Variants in EDIL3 observed in about 807,000 individuals in gnomAD.
EDIL3 encodes the protein EGF like and discoidin domains 3, also known as EGF-like repeat and discoidin I-like domain-containing protein 3.
A neutral mutation model predicts 67.4 loss-of-function variants in EDIL3; 37 were observed. The ratio of observed to expected loss-of-function variants is 0.55; its 90% CI spans 0.42 to 0.72. The LOEUF (loss-of-function observed/expected upper bound fraction) is 0.72. Among genes scored for constraint, EDIL3 ranks in the 30% least tolerant of loss-of-function variants. The pLI, the probability that EDIL3 is intolerant of heterozygous loss-of-function variation, is 0.00. For synonymous variants in EDIL3, 195 were observed against 196.3 expected, an observed-to-expected ratio of 0.99 and a Z score of 0.05; for missense variants, 527 against 586.3, an observed-to-expected ratio of 0.90 and a Z score of 1.04.
chr5:84,012,568 C>T (rs901975298), intron 9 of EDIL3, among the ~76,000 whole-genome samples: 9 of 152,070 alleles, frequency 5.9e-5, no homozygotes, highest in African/African-American at 2.2e-4. Flanking sequence ...GGTCCAGTAG[C>T]ATTTGGAAAA....
chr5:84,027,187 T>C (rs934895283), intron 9 of EDIL3, among the ~76,000 whole-genome samples: 4 of 152,230 alleles, frequency 2.6e-5, no homozygotes, highest in East Asian at 1.9e-4. Context: ...AGCTATGTTA[T>C]ATACAATATA....
chr5:84,035,208 A>G (rs1227818343), intron 9 of EDIL3, among the ~76,000 whole-genome samples: 1 of 152,092 alleles, frequency 6.6e-6, no homozygotes, highest in East Asian at 1.9e-4. Context: ...ACTTGATGCA[A>G]CTTTAGCGGT....
At chr5:84,181,029 A>C (rs980239901) in intron 3 of EDIL3, 1 of 152,190 alleles carries the variant, frequency 6.6e-6, no homozygotes, top group Non-Finnish European at 1.5e-5. Context: ...GGCTGTAACC[A>C]CATAAACCAA....
rs377140824 is a variant in EDIL3, at chr5:83,963,253, A to G, written c.1245T>C (p.Asp415=). ...VGSYKLAYSN[D]GEHWTVYQDE... Reference sequence around the variant, plus strand: ...CCTGGTATACAGTCCAGTGTTCTCCATCATTGCTGTAAGCCAGTTTGTAGG... The same window carrying G: ...CCTGGTATACAGTCCAGTGTTCTCCGTCATTGCTGTAAGCCAGTTTGTAGG... Residue 415 remains aspartate, a synonymous_variant, in exon 10 of 11, where the codon GAT becomes GAC. Transcript: ENST00000296591. 2.3e-4 allele frequency: 366 copies of G among 1,610,506 alleles called. 4 individuals are homozygous for G. The South Asian group carries it at 3.8e-3, about 17-fold the overall frequency.
At chr5:84,144,899 G>A (rs1251201152) in intron 4 of EDIL3, among the ~76,000 whole-genome samples, 3 of 152,054 alleles carry the variant, frequency 2.0e-5, no homozygotes, top group African/African-American at 7.2e-5. Context: ...TGAGTTATCA[G>A]AAACCCCAAA....
In EDIL3 at chr5:84,180,445, T is replaced by C; in HGVS notation, c.303A>G (p.Ile101Met). The C allele has an allele frequency of 2.5e-6, 4 of 1,610,142 alleles. No individual in the cohort carries two copies. The highest frequency in any genetic ancestry group is 3.4e-6 in the Non-Finnish European group (4 of 1,178,162). The change falls in exon 4 of 11, where the codon ATA becomes ATG. Residue 101 changes from isoleucine (I) to methionine (M), a missense_variant. Around this residue, in one of 2 missense-constraint regions of EDIL3, gnomAD observed 494 missense variants for 522.5 expected, o/e 0.95. Coordinates refer to ENST00000296591, the MANE Select transcript of EDIL3 (RefSeq NM_005711.5). ...ISEAYRGDTF[I>M]GYVCKCPRGF... is the part of the protein sequence containing the mutation. ...CTCGGGGACATTTACAAACATAGCC[T>C]ATGAATGTATCCCCTCGGTATGCTT...
At chr5:84,060,536 C>T (rs1457278685) in intron 8 of EDIL3, 52 bp from the exon 9 acceptor site, 2 of 1,594,594 alleles carry the variant, frequency 1.3e-6, no homozygotes. Context: ...TCACCTGGAA[C>T]TTTTCTGCAT....
chr5:84,037,988 G>GTTTTTTTTTT lies in EDIL3; in HGVS notation c.1137+22302_1137+22311dup, dbSNP rs67762520. On this transcript the variant is annotated intron_variant, in intron 9 of 10. Coordinates refer to ENST00000296591, the MANE Select transcript of EDIL3 (RefSeq NM_005711.5). ...TTCTCTTTTCTTTTCTTTCTTTCTT[G>GTTTTTTTTTT]TTTTTTTTTTTTTTTTTTTTTTTGA... Among the ~76,000 whole-genome samples, 37 of 99,690 alleles carry GTTTTTTTTTT rather than the reference G, an allele frequency of 3.7e-4. 2 individuals carry two copies. The highest frequency in any genetic ancestry group is 1.0e-3 in the African/African-American group (23 of 22,192). The allele number at this position is 99,690 out of a possible 152,430, so 65.4% of individuals were successfully genotyped here.
intron 1 of EDIL3, among the ~76,000 whole-genome samples, chr5:84,338,223 C>A (rs1001739617): frequency 9.9e-5 from 15 of 152,090 alleles, no homozygotes; most frequent in African/African-American, 1.9e-4. Flanking sequence ...GGAGACCATC[C>A]TTTAGGAAGC....
chr5:84,207,344 G>A (rs919972065), intron 3 of EDIL3, among the ~76,000 whole-genome samples: 9 of 152,266 alleles, frequency 5.9e-5, no homozygotes, highest in Admixed American at 4.6e-4. Flanking sequence ...TACAAGGGAC[G>A]TGAAGGACCT....
chr5:84,132,649 T>C (rs555077067), intron 5 of EDIL3, among the ~76,000 whole-genome samples: 2 of 139,040 alleles, frequency 1.4e-5, no homozygotes, highest in African/African-American at 5.4e-5. Context: ...TTTATGTGCT[T>C]GGAAATACTA....
intron 1 of EDIL3, among the ~76,000 whole-genome samples, chr5:84,371,018 A>G (rs1156613592): frequency 6.6e-6 from 1 of 152,074 alleles, no homozygotes; most frequent in East Asian, 1.9e-4. Flanking sequence ...ATTAAGGAAC[A>G]GAGATATTCT....
chr5:84,190,551 A>ATATGTG (rs1554072297), intron 3 of EDIL3, among the ~76,000 whole-genome samples: 2 of 126,984 alleles, frequency 1.6e-5, no homozygotes, highest in African/African-American at 6.0e-5. Context: ...ATATATATAT[A>ATATGTG]TGTGTGTGTG....
At chr5:84,308,178 A>C (rs564763403) in intron 1 of EDIL3, among the ~76,000 whole-genome samples, 1 of 152,320 alleles carries the variant, frequency 6.6e-6, no homozygotes, top group Non-Finnish European at 1.5e-5. Flanking sequence ...TGAGATGTAG[A>C]ATCGATATGA....
At chr5:83,956,951 C>T (rs956329038) in intron 10 of EDIL3, among the ~76,000 whole-genome samples, 1 of 151,594 alleles carries the variant, frequency 6.6e-6, no homozygotes, top group Admixed American at 6.6e-5. Context: ...TAATGGTCTT[C>T]TTAACTTTAG....
intron 1 of EDIL3, among the ~76,000 whole-genome samples, chr5:84,367,725 G>T (rs1747769761): frequency 6.6e-6 from 1 of 152,156 alleles, no homozygotes; most frequent in Non-Finnish European, 1.5e-5. Context: ...AGACATTTCA[G>T]TGAGCCGAGA....
intron 2 of EDIL3, among the ~76,000 whole-genome samples, chr5:84,247,457 T>TA (rs1561234024): frequency 6.6e-6 from 1 of 152,174 alleles, no homozygotes; most frequent in Non-Finnish European, 1.5e-5. Flanking sequence ...TTCTGAAAGA[T>TA]AAACATGAAT....
chr5:84,088,588 A>G (rs1747111751), intron 6 of EDIL3, among the ~76,000 whole-genome samples: 1 of 152,228 alleles, frequency 6.6e-6, no homozygotes, highest in South Asian at 2.1e-4. Context: ...TGCATTGAAC[A>G]TAGTTTTTCT....
In EDIL3 at chr5:84,083,876, C is replaced by T. The variant is rs148445546; in HGVS notation, c.652-17270G>A. ...TTGACTTTTTAAAATTAACTTCATT[C>T]GAAATACTTTTATATACATGATAGA... On this transcript the variant is annotated intron_variant, in intron 6 of 10. Coordinates refer to ENST00000296591, the MANE Select transcript of EDIL3 (RefSeq NM_005711.5). Among the ~76,000 whole-genome samples the T allele has an allele frequency of 4.8e-3, 726 of 152,194 alleles. 3 individuals are homozygous for T. The highest frequency in any genetic ancestry group is 0.016 in the African/African-American group (663 of 41,522).
Sources: allele counts gnomAD v4.1 joint callset (sites outside exome capture counted in the v4.1 genomes callset), GRCh38; gene constraint gnomAD v4.1.1; regional missense constraint gnomAD v4.1.1; transcripts MANE v1.5; gene names NCBI Gene and HGNC (gene_info 2026-07-23, HGNC 2026-07-21).